GAS2: variants seen among roughly 807,000 people sequenced by gnomAD.
GAS2 encodes the protein growth arrest-specific protein 2.
In GAS2, 20 loss-of-function variants were observed where a neutral mutation model predicts 37.5. The observed-to-expected ratio is 0.53, with a 90% confidence interval of 0.37 to 0.77. The LOEUF (loss-of-function observed/expected upper bound fraction) is 0.77, where lower values mean the gene tolerates loss of function less well. GAS2 is among the 30% of genes least tolerant of loss of function. GAS2 has a pLI of 0.00. For missense variants in GAS2, 336 were observed against 373.4 expected (o/e 0.90, Z 0.82); for synonymous variants, 144 against 132.2 (o/e 1.09, Z -0.61).
intron 3 of GAS2, among the ~76,000 whole-genome samples, chr11:22,693,267 A>G (rs1199088095): frequency 1.3e-5 from 2 of 152,224 alleles, no homozygotes; most frequent in Admixed American, 1.3e-4. Flanking sequence ...TCTACTTATA[A>G]GAATAAAGAA....
chr11:22,759,524 C>T (rs978852420), intron 7 of GAS2, among the ~76,000 whole-genome samples: 2 of 152,080 alleles, frequency 1.3e-5, no homozygotes, highest in African/African-American at 4.8e-5. Flanking sequence ...CAAATTTTTG[C>T]CTGGTACTTT....
chr11:22,780,929 G>A (rs1401022254), intron 7 of GAS2, among the ~76,000 whole-genome samples: 1 of 152,132 alleles, frequency 6.6e-6, no homozygotes, highest in Non-Finnish European at 1.5e-5. Context: ...CAAAAAGTAT[G>A]ATAAAGTAAA....
At chr11:22,669,496 A>T (rs1849118730) in intron 1 of GAS2, among the ~76,000 whole-genome samples, 1 of 152,182 alleles carries the variant, frequency 6.6e-6, no homozygotes, top group Non-Finnish European at 1.5e-5. Flanking sequence ...CTACACCATC[A>T]TTTCACCCAA....
chr11:22,643,175 A>G (rs1372411539), intron 1 of GAS2, among the ~76,000 whole-genome samples: 4 of 152,146 alleles, frequency 2.6e-5, no homozygotes, highest in Non-Finnish European at 2.9e-5. Flanking sequence ...CTTTAAAGGC[A>G]GATAGACTTG....
chr11:22,739,572 C>A (rs1448949879), intron 5 of GAS2, among the ~76,000 whole-genome samples: 13 of 64,652 alleles, frequency 2.0e-4, no homozygotes, highest in African/African-American at 5.2e-4. Flanking sequence ...GATTCGCTCT[C>A]AAAAAAAAAA....
chr11:22,773,747 T>C (rs1855110029), intron 7 of GAS2, among the ~76,000 whole-genome samples: 2 of 152,128 alleles, frequency 1.3e-5, no homozygotes, highest in African/African-American at 4.8e-5. Context: ...TGTTTTTGTT[T>C]GCATTTCTCA....
chr11:22,766,776 A>G (rs1287623288), intron 7 of GAS2, among the ~76,000 whole-genome samples: 1 of 152,190 alleles, frequency 6.6e-6, no homozygotes, highest in Non-Finnish European at 1.5e-5. Flanking sequence ...GAAGAAACTA[A>G]GGAACATTTA....
At chr11:22,678,451 A>G (rs1320508336) in intron 2 of GAS2, among the ~76,000 whole-genome samples, 1 of 152,056 alleles carries the variant, frequency 6.6e-6, no homozygotes, top group East Asian at 1.9e-4. Flanking sequence ...CTTTTTATCT[A>G]CTTGAAAGAG....
chr11:22,634,383 A>G (rs1466574689), intron 1 of GAS2, among the ~76,000 whole-genome samples: 2 of 152,204 alleles, frequency 1.3e-5, no homozygotes, highest in Admixed American at 1.3e-4. Context: ...CATATCAGGA[A>G]GAAAAAGTCT....
At chr11:22,811,263 C>T (rs1224886984) in intron 7 of GAS2, among the ~76,000 whole-genome samples, 3 of 152,200 alleles carry the variant, frequency 2.0e-5, no homozygotes, top group African/African-American at 7.2e-5. Context: ...TATTCAAAAA[C>T]ACCTTGCCTT....
chr11:22,710,979 G>C (rs1214989589), intron 3 of GAS2, among the ~76,000 whole-genome samples: 1 of 152,168 alleles, frequency 6.6e-6, no homozygotes. Context: ...GGACTAACAA[G>C]CAGCTCCCAC....
chr11:22,683,097 T>C (rs1176117633), intron 2 of GAS2, among the ~76,000 whole-genome samples: 1 of 152,068 alleles, frequency 6.6e-6, no homozygotes, highest in Non-Finnish European at 1.5e-5. Flanking sequence ...GTCATTATTT[T>C]AATTGGGGGC....
rs143698794 is a variant in GAS2, at chr11:22,685,069, G to A, written c.146-599G>A. ...AATCCCAGTACTTTTGGAGGCCGAG[G>A]CTGGAGGATTGCTTGAGCCCAAGGA... On this transcript the variant is annotated intron_variant, in intron 2 of 7. Transcript: ENST00000454584. 1.7e-3 allele frequency among the ~76,000 whole-genome samples: 264 copies of A among 152,130 alleles called. 2 individuals carry two copies. Among genetic ancestry groups the A allele is most frequent in the African/African-American group, 6.2e-3 (258 of 41,534 alleles).
chr11:22,653,018 T>TCTTTCTTTCTTA (rs1848810083), intron 1 of GAS2, among the ~76,000 whole-genome samples: 1 of 146,894 alleles, frequency 6.8e-6, no homozygotes, highest in Admixed American at 6.9e-5. Flanking sequence ...TTTCTTTCTT[T>TCTTTCTTTCTTA]CTTTCTTTCT....
chr11:22,686,217 ATAAG>A (rs1442168632), intron 3 of GAS2, among the ~76,000 whole-genome samples: 2 of 152,212 alleles, frequency 1.3e-5, no homozygotes, highest in African/African-American at 4.8e-5. Context: ...TTTATTCTAA[ATAAG>A]TAGTACCATT....
intron 7 of GAS2, among the ~76,000 whole-genome samples, chr11:22,808,775 G>A (rs543552212): frequency 1.6e-4 from 25 of 152,294 alleles, no homozygotes; most frequent in Admixed American, 8.5e-4. Flanking sequence ...TTGCTCTCTC[G>A]AACAGTGGTA....
At chr11:22,789,324 ACACACACAAAC>A (rs1564889710) in intron 7 of GAS2, among the ~76,000 whole-genome samples, 1,578 of 134,028 alleles carry the variant, frequency 0.012, 52 homozygotes, top group African/African-American at 0.042. Flanking sequence ...ACACACACAC[ACACACACAAAC>A]ACACACACAC....
chr11:22,693,396 A>T (rs1283492821), intron 3 of GAS2, among the ~76,000 whole-genome samples: 1 of 152,196 alleles, frequency 6.6e-6, no homozygotes, highest in East Asian at 1.9e-4. Flanking sequence ...CTTCATTGTA[A>T]TCTTCCCACT....
chr11:22,659,641 T>C (rs995890136), intron 1 of GAS2, among the ~76,000 whole-genome samples: 4 of 152,228 alleles, frequency 2.6e-5, no homozygotes, highest in Admixed American at 2.6e-4. Context: ...GCAGCTCATC[T>C]GGCTTGGAAT....
Sources: gnomAD v4.1 joint callset for allele counts (sites outside exome capture counted in the v4.1 genomes callset) on GRCh38, gnomAD v4.1.1 for gene constraint, MANE v1.5 for transcripts, NCBI Gene and HGNC (gene_info 2026-07-23, HGNC 2026-07-21) for gene names.